Variants in DCAF1 observed in about 807,000 individuals in gnomAD.
The protein encoded by DCAF1 is DDB1 and CUL4 associated factor 1, also known as DDB1- and CUL4-associated factor 1.
In DCAF1, 15 loss-of-function variants were observed where a neutral mutation model predicts 128.0. The observed-to-expected ratio is 0.12, with a 90% CI of 0.08 to 0.18. The LOEUF (loss-of-function observed/expected upper bound fraction) is 0.18. Ranked by LOEUF, DCAF1 falls within the 10% of genes least tolerant of loss-of-function variation. DCAF1 has a pLI of 1.00. For missense variants in DCAF1, 988 were observed against 1,649.5 expected (o/e 0.60, Z 6.95); for synonymous variants, 610 against 603.0 (o/e 1.01, Z -0.17).
At chr3:51,407,786 G>A (rs1698003910) in intron 23 of DCAF1, among the ~76,000 whole-genome samples, 1 of 151,868 alleles carries the variant, frequency 6.6e-6, no homozygotes, top group South Asian at 2.1e-4. Flanking sequence ...TCAGGAGTTC[G>A]AGATCAGCCT....
intron 23 of DCAF1, among the ~76,000 whole-genome samples, chr3:51,410,886 G>A (rs1553628240): frequency 6.6e-6 from 1 of 152,168 alleles, no homozygotes; most frequent in African/African-American, 2.4e-5. Flanking sequence ...GGCTGGGCGT[G>A]GTGGCTCATG....
At chr3:51,405,038 A>G (rs1176312968) in intron 23 of DCAF1, among the ~76,000 whole-genome samples, 1 of 152,210 alleles carries the variant, frequency 6.6e-6, no homozygotes, top group Non-Finnish European at 1.5e-5. Context: ...CTCTTTTTCC[A>G]GGCGTATTTT....
intron 6 of DCAF1, among the ~76,000 whole-genome samples, chr3:51,460,182 T>A (rs1235263421): frequency 3.9e-5 from 6 of 152,138 alleles, no homozygotes; most frequent in Non-Finnish European, 7.4e-5. Context: ...CAAAATCTCC[T>A]CAAGCTGATA....
intron 23 of DCAF1, among the ~76,000 whole-genome samples, chr3:51,405,057 T>C (rs1553626174): frequency 6.6e-6 from 1 of 152,210 alleles, no homozygotes; most frequent in East Asian, 1.9e-4. Flanking sequence ...TTCATAGACT[T>C]GACCAAAATT....
chr3:51,483,705 A>G lies in DCAF1; in HGVS notation c.110+14T>C, dbSNP rs531409473. On this transcript the variant is annotated intron_variant, in intron 3 of 24. Transcript: ENST00000684031. ...GTTTTTTATTAAACTAGGTTTTAAAAAAGTTATTCATACCTGGTAAGGATA... is the reference window on the plus strand; with the variant it reads ...GTTTTTTATTAAACTAGGTTTTAAAGAAGTTATTCATACCTGGTAAGGATA... 39 of 1,607,194 alleles carry G rather than the reference A, an allele frequency of 2.4e-5. No homozygotes were observed. The South Asian group carries it at 3.3e-4, about 14-fold the overall frequency.
At chr3:51,425,556 CA>C (rs781822701) in intron 13 of DCAF1, among the ~76,000 whole-genome samples, 1 of 96,752 alleles carries the variant, frequency 1.0e-5, no homozygotes, top group African/African-American at 3.5e-5. Flanking sequence ...TGTAAGCTGT[CA>C]TCTTTTTTTT....
chr3:51,419,526 A>C lies in DCAF1; in HGVS notation c.3236+208T>G, dbSNP rs550383737. On this transcript the variant is annotated intron_variant, in intron 15 of 24. Coordinates refer to ENST00000684031, the MANE Select transcript of DCAF1 (RefSeq NM_001387579.1). ...GGTTCTAGAAAACATACTAGTTGAGATGAGAACACAAACGATTATATCAAT... is the reference window on the plus strand; with the variant it reads ...GGTTCTAGAAAACATACTAGTTGAGCTGAGAACACAAACGATTATATCAAT... Among the ~76,000 whole-genome samples the C allele has an allele frequency of 2.6e-5, 4 of 152,310 alleles. No homozygotes were observed. The East Asian group carries it at 7.7e-4, about 29-fold the overall frequency.
At chr3:51,424,120 T>C (rs1699686958) in intron 13 of DCAF1, among the ~76,000 whole-genome samples, 1 of 152,146 alleles carries the variant, frequency 6.6e-6, no homozygotes, top group South Asian at 2.1e-4. Flanking sequence ...ATGTTGGATG[T>C]CTTTTGTAGT....
At chr3:51,502,626 C>A (rs1553664574), upstream of DCAF1, among the ~76,000 whole-genome samples, 1 of 151,796 alleles carries the variant, frequency 6.6e-6, no homozygotes, top group East Asian at 1.9e-4. Flanking sequence ...GTGATGGGAG[C>A]AAGAAGCATT....
chr3:51,437,124 G>A (rs191341324), intron 9 of DCAF1, among the ~76,000 whole-genome samples: 35 of 152,116 alleles, frequency 2.3e-4, no homozygotes, highest in Admixed American at 3.9e-4. Context: ...GTAGCCAGGC[G>A]TGGTGGCACA....
intron 1 of DCAF1, among the ~76,000 whole-genome samples, chr3:51,498,788 G>GAA (rs1320108474): frequency 6.6e-6 from 1 of 151,860 alleles, no homozygotes; most frequent in African/African-American, 2.4e-5. Flanking sequence ...ACATCATTAA[G>GAA]AAAAATACTA....
intron 6 of DCAF1, among the ~76,000 whole-genome samples, chr3:51,456,768 T>C (rs978144716): frequency 2.6e-5 from 4 of 152,266 alleles, no homozygotes; most frequent in Non-Finnish European, 5.9e-5. Flanking sequence ...TATCCGCTAT[T>C]CTGCAGCCAC....
intron 6 of DCAF1, among the ~76,000 whole-genome samples, chr3:51,456,291 A>G (rs1702899317): frequency 6.6e-6 from 1 of 152,232 alleles, no homozygotes. Context: ...TCCTACGCCC[A>G]CAGAGTCTCC....
intron 6 of DCAF1, among the ~76,000 whole-genome samples, chr3:51,457,930 A>G (rs1483935130): frequency 6.6e-6 from 1 of 152,186 alleles, no homozygotes; most frequent in African/African-American, 2.4e-5. Flanking sequence ...ACATGGAAAG[A>G]AACAACCGGT....
intron 3 of DCAF1, among the ~76,000 whole-genome samples, chr3:51,480,795 GTGTA>G (rs1193776557): frequency 2.6e-5 from 4 of 151,980 alleles, no homozygotes; most frequent in Non-Finnish European, 5.9e-5. Flanking sequence ...TATCATTCAT[GTGTA>G]TGTATTTTAA....
intron 2 of DCAF1, among the ~76,000 whole-genome samples, chr3:51,494,152 G>A (rs1175802859): frequency 3.6e-5 from 5 of 140,432 alleles, no homozygotes; most frequent in African/African-American, 1.1e-4. Context: ...TCACTCTGTC[G>A]CCCAGAGACT....
At chr3:51,488,308 T>A (rs1553656362) in intron 2 of DCAF1, among the ~76,000 whole-genome samples, 1 of 152,284 alleles carries the variant, frequency 6.6e-6, no homozygotes, top group Non-Finnish European at 1.5e-5. Context: ...AAAAGAAAGC[T>A]ACAGCCTGAT....
downstream of DCAF1, chr3:51,397,565 G>C (rs1553623439): frequency 6.0e-6 from 1 of 167,122 alleles, no homozygotes; most frequent in Non-Finnish European, 1.5e-5. Flanking sequence ...GCAGCCTGCT[G>C]GATCCAGAAC....
chr3:51,462,001 A>G (rs533124802), intron 6 of DCAF1, among the ~76,000 whole-genome samples: 1 of 152,228 alleles, frequency 6.6e-6, no homozygotes, highest in East Asian at 1.9e-4. Context: ...AACATGGCAC[A>G]TGTATACATA....
Sources: gnomAD v4.1 joint callset for allele counts (sites outside exome capture counted in the v4.1 genomes callset) on GRCh38, gnomAD v4.1.1 for gene constraint, MANE v1.5 for transcripts, NCBI Gene and HGNC (gene_info 2026-07-23, HGNC 2026-07-21) for gene names.